The following YWHAE variants were observed in gnomAD, a reference collection of about 807,000 sequenced individuals.
YWHAE encodes tyrosine 3-monooxygenase/tryptophan 5-monooxygenase activation protein epsilon, also known as 14-3-3 protein epsilon.
Under a neutral mutation model 30.1 loss-of-function variants are expected in YWHAE, and 4 were observed. The observed-to-expected ratio is 0.13, with a 90% CI of 0.07 to 0.30. The LOEUF is 0.30. Among genes scored for constraint, YWHAE ranks in the 10% least tolerant of loss-of-function variants. The pLI is 1.00. For missense variants in YWHAE, 121 were observed against 315.9 expected, an observed-to-expected ratio of 0.38 and a Z score of 4.68; for synonymous variants, 118 against 111.8, an observed-to-expected ratio of 1.06 and a Z score of -0.35.
chr17:1,400,014 G>A (rs983369325), intron 1 of YWHAE, 33 bp downstream of exon 1: 1 of 1,612,798 alleles, frequency 6.2e-7, no homozygotes, highest in Non-Finnish European at 8.5e-7. Context: ...GAGGGTCCGA[G>A]AATTCCAGCC....
chr17:1,354,964 GTTTTTTTTTTTTT>G lies in YWHAE; in HGVS notation c.579-630_579-618del, dbSNP rs56351171. ...GGCGTGAGCCACCGCGCCCAGCCTA[GTTTTTTTTTTTTT>G]TTTTTTTTTTTTTTTTTTTTAAGGG... is the stretch of plus-strand genomic sequence containing the variant. On this transcript the variant is annotated intron_variant, in intron 4 of 5. Transcript: ENST00000264335. Among the ~76,000 whole-genome samples the G allele has an allele frequency of 5.0e-3, 371 of 74,730 alleles. 1 individual carries two copies. The highest frequency in any genetic ancestry group is 0.013 in the African/African-American group (331 of 25,340). The allele number at this position is 74,730 out of a possible 152,430, so 49.0% of individuals were successfully genotyped here. A position where few individuals can be genotyped will look rare whatever the true frequency, so the allele number is the denominator to read the frequency against.
chr17:1,362,116 T>A, intron 2 of YWHAE, 108 bp from the exon 3 acceptor site: 1 of 603,456 alleles, frequency 1.7e-6, no homozygotes, highest in Non-Finnish European at 2.7e-6. Context: ...TTAAAAAGAA[T>A]TTGTATCCCT....
intron 1 of YWHAE, among the ~76,000 whole-genome samples, chr17:1,373,592 C>T (rs1425887317): frequency 1.3e-5 from 2 of 151,556 alleles, no homozygotes; most frequent in Non-Finnish European, 2.9e-5. Flanking sequence ...TGCGTGAACC[C>T]GGGAGGCGGA....
At chr17:1,362,924 A>G (rs1451991149) in intron 2 of YWHAE, among the ~76,000 whole-genome samples, 2 of 152,004 alleles carry the variant, frequency 1.3e-5, no homozygotes, top group East Asian at 3.9e-4. Flanking sequence ...CTATTACTCC[A>G]AACTCTTCCT....
At chr17:1,372,766 C>A (rs1472750662) in intron 1 of YWHAE, among the ~76,000 whole-genome samples, 1 of 151,964 alleles carries the variant, frequency 6.6e-6, no homozygotes. Context: ...CCAGCCTGGG[C>A]AACAGGTGAG....
chr17:1,354,159 A>T, intron 5 of YWHAE, 52 bp downstream of exon 5: 1 of 1,596,388 alleles, frequency 6.3e-7, no homozygotes, highest in Non-Finnish European at 8.5e-7. Flanking sequence ...AAGAGAGTAC[A>T]AACAAATCCT....
intron 4 of YWHAE, among the ~76,000 whole-genome samples, chr17:1,356,446 A>G (rs1015215923): frequency 6.6e-6 from 1 of 152,222 alleles, no homozygotes; most frequent in Non-Finnish European, 1.5e-5. Flanking sequence ...GGAAAGTCAA[A>G]TTTGAACTAA....
At position 1,395,856 on chromosome 17, in the gene YWHAE, C is replaced by T. The variant is rs150587840; in HGVS notation, c.64+4191G>A. Among the ~76,000 whole-genome samples, 1,242 of 152,304 alleles carry T rather than the reference C, an allele frequency of 8.2e-3. 10 individuals carry two copies. The highest frequency in any genetic ancestry group is 0.012 in the Non-Finnish European group (790 of 68,034). On this transcript the variant is annotated intron_variant, in intron 1 of 5. Transcript: ENST00000264335. ...AGCTCTCAGCGGGCTCAGTGGCTCA[C>T]GCCTGTAACCCCAGCACTCTGGGAG... is the stretch of plus-strand genomic sequence containing the variant.
At chr17:1,377,869 T>G (rs1283384922) in intron 1 of YWHAE, among the ~76,000 whole-genome samples, 1 of 151,934 alleles carries the variant, frequency 6.6e-6, no homozygotes, top group Non-Finnish European at 1.5e-5. Flanking sequence ...GCCAACATGG[T>G]GAAACCCCGT....
intron 5 of YWHAE, among the ~76,000 whole-genome samples, chr17:1,346,585 T>A (rs1567951295): frequency 6.6e-6 from 1 of 152,022 alleles, no homozygotes; most frequent in South Asian, 2.1e-4. Flanking sequence ...AGCATCAAGG[T>A]TTCAGTAGTT....
rs550620060 is a variant in YWHAE at position 1,383,389 on chromosome 17, C to CTTT, written c.64+16655_64+16657dup. ...AAAAACTATTTCACATACTGTTTAA[C>CTTT]TTTTTTTTTTTTTTTTGAGACGGAG... On this transcript the variant is annotated intron_variant, in intron 1 of 5. Transcript: ENST00000264335. 9.8e-4 allele frequency among the ~76,000 whole-genome samples: 135 copies of CTTT among 137,806 alleles called. 2 individuals carry two copies. The highest frequency in any genetic ancestry group is 4.8e-3 in the South Asian group (21 of 4,366). The allele number at this position is 137,806 out of a possible 152,430, so 90.4% of individuals were successfully genotyped here.
chr17:1,380,558 T>C (rs1159453884), intron 1 of YWHAE, among the ~76,000 whole-genome samples: 1 of 152,258 alleles, frequency 6.6e-6, no homozygotes, highest in South Asian at 2.1e-4. Flanking sequence ...TGGCATATAA[T>C]ATGAATTCAA....
At chr17:1,358,881 T>C (rs906531781) in intron 4 of YWHAE, among the ~76,000 whole-genome samples, 11 of 139,384 alleles carry the variant, frequency 7.9e-5, no homozygotes, top group Non-Finnish European at 1.5e-4. Context: ...ACACCTGTAA[T>C]CCCAGAACTT....
intron 1 of YWHAE, among the ~76,000 whole-genome samples, chr17:1,393,231 G>C (rs917169694): frequency 6.6e-6 from 1 of 151,294 alleles, no homozygotes; most frequent in East Asian, 1.9e-4. Flanking sequence ...TGAGGTGGGG[G>C]GATCACCTGA....
chr17:1,377,525 G>GA, intron 1 of YWHAE, among the ~76,000 whole-genome samples: 1 of 152,242 alleles, frequency 6.6e-6, no homozygotes, highest in Middle Eastern at 3.4e-3. Flanking sequence ...GAGACAGGAA[G>GA]ATCGCTTGAG....
chr17:1,348,009 C>G lies in YWHAE; in HGVS notation c.716-2510G>C, dbSNP rs1329636281. 11 of 1,009,686 alleles carry G rather than the reference C, an allele frequency of 1.1e-5. No individual in the cohort carries two copies. The Admixed American group carries it at 3.6e-4, about 33-fold the overall frequency. The allele number at this position is 1,009,686 out of a possible 1,614,324, so 62.5% of individuals were successfully genotyped here. ...AAGAGTTGGGTTTTCCTTTAGGAAT[C>G]TATATTGCAAGGAAAAAGGGAGGGA... On this transcript the variant is annotated intron_variant, in intron 5 of 5. Coordinates refer to ENST00000264335, the MANE Select transcript of YWHAE (RefSeq NM_006761.5).
At chr17:1,351,284 A>G (rs994331031) in intron 5 of YWHAE, among the ~76,000 whole-genome samples, 3 of 151,998 alleles carry the variant, frequency 2.0e-5, no homozygotes, top group Non-Finnish European at 4.4e-5. Flanking sequence ...AATCAGAGGC[A>G]GGAGAATCAC....
rs1374981327 is a variant in YWHAE, at chr17:1,344,670, TTA to T, written c.*775_*776del. On this transcript the variant is annotated 3_prime_UTR_variant, in exon 6 of 6. Transcript: ENST00000264335. Reference sequence around the variant, plus strand: ...TCCAGTAGTACAAATTAGCTTCAAGTTACACATACTGAACAAAAGAGGTTGAG... The same window carrying T: ...TCCAGTAGTACAAATTAGCTTCAAGTCACATACTGAACAAAAGAGGTTGAG... 4.3e-6 allele frequency: 1 copy of T among 231,798 alleles called. No individual in the cohort carries two copies. The highest frequency in any genetic ancestry group is 2.2e-5 in the African/African-American group (1 of 45,090). 14.4% of individuals were successfully genotyped at this position (231,798 alleles called of 1,614,324 possible). A position where few individuals can be genotyped will look rare whatever the true frequency, so the allele number is the denominator to read the frequency against.
At chr17:1,366,740 C>T (rs908743363) in intron 1 of YWHAE, among the ~76,000 whole-genome samples, 18 of 151,760 alleles carry the variant, frequency 1.2e-4, no homozygotes, top group Non-Finnish European at 2.1e-4. Context: ...GTCAGGAGTT[C>T]GAGACCAGCC....
Sources: gnomAD v4.1 joint callset for allele counts (sites outside exome capture counted in the v4.1 genomes callset) on GRCh38, gnomAD v4.1.1 for gene constraint, MANE v1.5 for transcripts, NCBI Gene and HGNC (gene_info 2026-07-23, HGNC 2026-07-21) for gene names.